Variants in SPATS2L observed in about 807,000 individuals in gnomAD.
SPATS2L encodes SPATS2-like protein.
A neutral mutation model predicts 59.6 loss-of-function variants in SPATS2L; 30 were observed. The ratio of observed to expected loss-of-function variants is 0.50; its 90% CI spans 0.38 to 0.68. SPATS2L has a LOEUF of 0.68. Among genes scored for constraint, SPATS2L ranks in the 30% least tolerant of loss-of-function variants. The pLI is 0.00. For missense variants in SPATS2L, 615 were observed against 700.0 expected (o/e 0.88, Z 1.37); for synonymous variants, 252 against 263.5 (o/e 0.96, Z 0.42).
Position 200,410,780 on chromosome 2 carries a change from T to C in SPATS2L, c.40-1531T>C, listed in dbSNP as rs564438980. Reference sequence around the variant, plus strand: ...ATAAGCATATATTTGTGCAATCATTTGGTCAATGTGTAAATCCTCCTCTGG... The same window carrying C: ...ATAAGCATATATTTGTGCAATCATTCGGTCAATGTGTAAATCCTCCTCTGG... On this transcript the variant is annotated intron_variant, in intron 3 of 12. Coordinates refer to ENST00000409140, the MANE Select transcript of SPATS2L (RefSeq NM_001100423.2). Among the ~76,000 whole-genome samples the C allele has an allele frequency of 1.2e-4, 19 of 152,324 alleles. No homozygotes were observed. In the South Asian group the frequency reaches 3.9e-3, roughly 32 times the overall value.
intron 6 of SPATS2L, among the ~76,000 whole-genome samples, chr2:200,434,027 G>A (rs2084112868): frequency 6.6e-6 from 1 of 151,854 alleles, no homozygotes; most frequent in Non-Finnish European, 1.5e-5. Flanking sequence ...AATGAATAAA[G>A]AAGCAAAAAT....
rs115969905 is a variant in SPATS2L, at chr2:200,340,710, G to T, written c.-23+11230G>T. Among the ~76,000 whole-genome samples, 236 of 152,208 alleles carry T rather than the reference G, an allele frequency of 1.6e-3. 1 individual carries two copies. Among genetic ancestry groups the T allele is most frequent in the African/African-American group, 5.5e-3 (230 of 41,524 alleles). On this transcript the variant is annotated intron_variant, in intron 2 of 12. Transcript: ENST00000409140. The stretch of plus-strand genomic sequence containing the variant: ...ACAGACTCCCTGACAGTCACCATGG[G>T]TTACACAAATATTACTTCCATTTAG...
At chr2:200,457,148 C>T (rs943144649) in intron 8 of SPATS2L, among the ~76,000 whole-genome samples, 6 of 152,068 alleles carry the variant, frequency 3.9e-5, no homozygotes, top group Non-Finnish European at 7.4e-5. Flanking sequence ...CAGCTTGTCT[C>T]GAACAGTCTT....
chr2:200,316,842 A>G (rs1258949606), intron 1 of SPATS2L, among the ~76,000 whole-genome samples: 4 of 152,122 alleles, frequency 2.6e-5, no homozygotes, highest in African/African-American at 9.7e-5. Flanking sequence ...AACTTGATAG[A>G]TATTTAGAAT....
chr2:200,436,926 G>A (rs1417619919), intron 6 of SPATS2L, among the ~76,000 whole-genome samples: 3 of 152,136 alleles, frequency 2.0e-5, no homozygotes, highest in Non-Finnish European at 2.9e-5. Flanking sequence ...TCCCCTTGGT[G>A]ATAAGCGAGT....
intron 5 of SPATS2L, 77 bp downstream of exon 5, chr2:200,416,505 G>A: frequency 1.2e-6 from 1 of 854,364 alleles, no homozygotes; most frequent in Non-Finnish European, 1.7e-6. Flanking sequence ...TAACAAGGCT[G>A]CCAATTTTTT....
chr2:200,444,465 C>T (rs758415309), intron 8 of SPATS2L, among the ~76,000 whole-genome samples: 103 of 152,116 alleles, frequency 6.8e-4, no homozygotes, highest in Non-Finnish European at 1.2e-3. Flanking sequence ...AAATGGAAGA[C>T]GGTAATGAGC....
At chr2:200,460,489 T>C (rs917210085) in intron 9 of SPATS2L, among the ~76,000 whole-genome samples, 7 of 152,168 alleles carry the variant, frequency 4.6e-5, no homozygotes, top group Non-Finnish European at 8.8e-5. Context: ...CTTACGCCTG[T>C]AATCCCAGCA....
intron 2 of SPATS2L, among the ~76,000 whole-genome samples, chr2:200,347,165 G>A (rs2080541542): frequency 6.6e-6 from 1 of 152,106 alleles, no homozygotes; most frequent in African/African-American, 2.4e-5. Context: ...CAACCCAAGT[G>A]GGCCACAGAA....
intron 9 of SPATS2L, among the ~76,000 whole-genome samples, chr2:200,465,052 C>T (rs1273277464): frequency 1.3e-5 from 2 of 152,228 alleles, no homozygotes; most frequent in Non-Finnish European, 2.9e-5. Flanking sequence ...ATTGCATACC[C>T]CTTGTGTACC....
At chr2:200,332,189 A>T (rs2079967450) in intron 2 of SPATS2L, among the ~76,000 whole-genome samples, 1 of 151,960 alleles carries the variant, frequency 6.6e-6, no homozygotes, top group Non-Finnish European at 1.5e-5. Context: ...GGAGAGACAG[A>T]GAGGAAAGAG....
intron 4 of SPATS2L, among the ~76,000 whole-genome samples, chr2:200,415,373 C>G (rs2083019931): frequency 6.6e-6 from 1 of 152,010 alleles, no homozygotes; most frequent in South Asian, 2.1e-4. Flanking sequence ...TAAAGACCAG[C>G]CTGAAATTTA....
intron 8 of SPATS2L, among the ~76,000 whole-genome samples, chr2:200,453,501 TG>T (rs966786033): frequency 3.9e-5 from 6 of 152,176 alleles, no homozygotes; most frequent in Non-Finnish European, 1.5e-5. Context: ...GGACCAGAAA[TG>T]GTACTCATGG....
chr2:200,307,155 C>CGCGGGCAAGCGGGAGGAGGCGCCG (rs2079046432), intron 1 of SPATS2L, among the ~76,000 whole-genome samples: 2 of 151,110 alleles, frequency 1.3e-5, no homozygotes, highest in East Asian at 4.0e-4. Context: ...CTCCAGCCGG[C>CGCGGGCAAGCGGGAGGAGGCGCCG]GCGGGCAAGC....
chr2:200,385,971 C>A (rs918847374), intron 2 of SPATS2L, among the ~76,000 whole-genome samples: 1 of 152,186 alleles, frequency 6.6e-6, no homozygotes, highest in Non-Finnish European at 1.5e-5. Context: ...GGACCACAGG[C>A]GTGAGCCACC....
chr2:200,320,613 A>G (rs2079531085), intron 1 of SPATS2L, among the ~76,000 whole-genome samples: 1 of 151,842 alleles, frequency 6.6e-6, no homozygotes, highest in Admixed American at 6.6e-5. Flanking sequence ...CCATGACAGT[A>G]TCAGTAACGT....
At chr2:200,401,983 A>G (rs1047414947) in intron 3 of SPATS2L, among the ~76,000 whole-genome samples, 1 of 152,188 alleles carries the variant, frequency 6.6e-6, no homozygotes, top group Non-Finnish European at 1.5e-5. Context: ...AAATGACCCC[A>G]CCAGCCACAT....
intron 1 of SPATS2L, among the ~76,000 whole-genome samples, chr2:200,318,423 G>A (rs1192386394): frequency 6.6e-6 from 1 of 152,156 alleles, no homozygotes; most frequent in African/African-American, 2.4e-5. Flanking sequence ...AGGAGACCAT[G>A]TAAATCTACG....
chr2:200,350,000 A>G (rs1376434730), intron 2 of SPATS2L, among the ~76,000 whole-genome samples: 1 of 152,170 alleles, frequency 6.6e-6, no homozygotes. Context: ...GTTAGTGCCC[A>G]GAGAGACTTC....
Sources: allele counts gnomAD v4.1 joint callset (sites outside exome capture counted in the v4.1 genomes callset), GRCh38; gene constraint gnomAD v4.1.1; transcripts MANE v1.5; gene names NCBI Gene and HGNC (gene_info 2026-07-23, HGNC 2026-07-21).